The following ELAVL4 variants were observed in gnomAD, a reference collection of about 807,000 sequenced individuals.
ELAVL4 encodes ELAV like RNA binding protein 4.
A neutral mutation model predicts 35.6 loss-of-function variants in ELAVL4; 1 was observed. That is an observed-to-expected ratio of 0.03 (90% CI 0.01 to 0.13). The LOEUF is 0.13. Ranked by LOEUF, ELAVL4 falls within the 10% of genes least tolerant of loss-of-function variation. The pLI, the probability that ELAVL4 is intolerant of heterozygous loss-of-function variation, is 1.00. For missense variants in ELAVL4, 267 were observed against 464.9 expected (o/e 0.57, Z 3.91); for synonymous variants, 156 against 171.0 (o/e 0.91, Z 0.69).
intron 1 of ELAVL4, among the ~76,000 whole-genome samples, chr1:50,053,686 C>T (rs1663513530): frequency 6.6e-6 from 1 of 152,114 alleles, no homozygotes; most frequent in Admixed American, 6.5e-5. Flanking sequence ...GGACCTGGCC[C>T]AGTTGTAGCT....
chr1:50,160,390 A>G (rs958669160), intron 2 of ELAVL4, among the ~76,000 whole-genome samples: 1 of 152,228 alleles, frequency 6.6e-6, no homozygotes, highest in African/African-American at 2.4e-5. Flanking sequence ...TTAAATAGCA[A>G]TGAAAAGGGA....
At chr1:50,181,675 G>GTTTGT (rs55633909) in intron 3 of ELAVL4, among the ~76,000 whole-genome samples, 135,389 of 151,070 alleles carry the variant, frequency 0.9, 61,832 homozygotes, top group East Asian at 1. Flanking sequence ...GTATGTGTGT[G>GTTTGT]TTTGTTTTGT....
chr1:50,195,918 C>T, intron 5 of ELAVL4, 132 bp downstream of exon 5: 2 of 994,326 alleles, frequency 2.0e-6, no homozygotes, highest in South Asian at 1.7e-5. Context: ...GTGCAAAACT[C>T]CCCCCGAGCC....
chr1:50,168,973 C>CAT lies in ELAVL4; in HGVS notation c.251-8107_251-8106dup, dbSNP rs1223642574. Among the ~76,000 whole-genome samples, 464 of 147,818 alleles carry CAT rather than the reference C, an allele frequency of 3.1e-3. 3 individuals are homozygous for CAT. The highest frequency in any genetic ancestry group is 0.011 in the African/African-American group (437 of 40,086). On this transcript the variant is annotated intron_variant, in intron 2 of 6. Coordinates refer to ENST00000371824, the MANE Select transcript of ELAVL4 (RefSeq NM_001144774.3). Reference sequence around the variant, plus strand: ...ATATATATATATATATACACACACACATATATATATGTATATATATATATA... The same window carrying CAT: ...ATATATATATATATATACACACACACATATATATATATGTATATATATATATA...
At chr1:50,110,061 G>A in intron 1 of ELAVL4, 8 of 1,458,622 alleles carry the variant, frequency 5.5e-6, no homozygotes, top group Non-Finnish European at 7.6e-6. Context: ...ATGCTGGACT[G>A]TGCATCGTAA....
intron 1 of ELAVL4, among the ~76,000 whole-genome samples, chr1:50,063,735 A>T (rs1419391443): frequency 6.6e-6 from 1 of 152,092 alleles, no homozygotes; most frequent in African/African-American, 2.4e-5. Context: ...GCATTGTGAC[A>T]TGCGACCCTA....
chr1:50,144,069 G>T (rs1393448112), intron 1 of ELAVL4, among the ~76,000 whole-genome samples: 1 of 152,110 alleles, frequency 6.6e-6, no homozygotes, highest in East Asian at 1.9e-4. Context: ...TGTATTGCAT[G>T]ATCACTGCCC....
intron 3 of ELAVL4, among the ~76,000 whole-genome samples, chr1:50,188,997 A>G (rs1682254694): frequency 6.6e-6 from 1 of 152,148 alleles, no homozygotes; most frequent in Admixed American, 6.5e-5. Flanking sequence ...AGACATTCCC[A>G]ACACCCATCC....
intron 1 of ELAVL4, among the ~76,000 whole-genome samples, chr1:50,072,590 A>C (rs1664581419): frequency 6.6e-6 from 1 of 152,176 alleles, no homozygotes; most frequent in Admixed American, 6.5e-5. Flanking sequence ...AAGCTCATCA[A>C]GTGGGGACAC....
At chr1:50,186,827 G>T (rs1054261705) in intron 3 of ELAVL4, among the ~76,000 whole-genome samples, 2 of 66,576 alleles carry the variant, frequency 3.0e-5, no homozygotes, top group African/African-American at 7.6e-5. Context: ...TTTCCATGAA[G>T]TTTCACCTCT....
chr1:50,168,507 T>G (rs767929152), intron 2 of ELAVL4, among the ~76,000 whole-genome samples: 78 of 152,196 alleles, frequency 5.1e-4, no homozygotes, highest in Non-Finnish European at 9.7e-4. Context: ...TCAGTAGATT[T>G]GAAGCTCAGT....
At chr1:50,054,833 C>G (rs563787832) in intron 1 of ELAVL4, among the ~76,000 whole-genome samples, 54 of 152,164 alleles carry the variant, frequency 3.5e-4, no homozygotes, top group Non-Finnish European at 6.5e-4. Flanking sequence ...CCCTTGCACT[C>G]TTGCTTCTGG....
intron 1 of ELAVL4, among the ~76,000 whole-genome samples, chr1:50,058,595 T>C (rs1373391279): frequency 6.6e-6 from 1 of 151,232 alleles, no homozygotes; most frequent in Non-Finnish European, 1.5e-5. Context: ...TCCGCATTAA[T>C]GGTAAGAATT....
chr1:50,061,692 T>G (rs1015343138), intron 1 of ELAVL4, among the ~76,000 whole-genome samples: 1 of 152,204 alleles, frequency 6.6e-6, no homozygotes, highest in Admixed American at 6.5e-5. Flanking sequence ...ATGCTTTTGC[T>G]GGGCGGTCCT....
At position 50,109,068 on chromosome 1, in the gene ELAVL4, G is replaced by C; in HGVS notation, c.-122G>C. 1.1e-6 allele frequency: 1 copy of C among 913,318 alleles called. No individual in the cohort carries two copies. The highest frequency in any genetic ancestry group is 1.3e-6 in the Non-Finnish European group (1 of 763,462). 56.6% of individuals were successfully genotyped at this position (913,318 alleles called of 1,614,324 possible). A position where few individuals can be genotyped will look rare whatever the true frequency, so the allele number is the denominator to read the frequency against. ...GATTTGCTTTACAATCATCCACACT[G>C]TGTTTTGTGGATCTTTAATTATATA... On this transcript the variant is annotated 5_prime_UTR_variant, in exon 1 of 7. Coordinates refer to ENST00000371824, the MANE Select transcript of ELAVL4 (RefSeq NM_001144774.3).
At chr1:50,139,714 G>C (rs1023803174) in intron 1 of ELAVL4, among the ~76,000 whole-genome samples, 1 of 152,156 alleles carries the variant, frequency 6.6e-6, no homozygotes, top group Non-Finnish European at 1.5e-5. Context: ...GGAACAGAGG[G>C]GTGGCTTTTT....
At chr1:50,193,996 T>C in intron 4 of ELAVL4, 78 bp downstream of exon 4, 5 of 1,542,086 alleles carry the variant, frequency 3.2e-6, no homozygotes, top group African/African-American at 1.4e-5. Flanking sequence ...AGAAGGCTGA[T>C]GGCTGCTTAA....
intron 2 of ELAVL4, among the ~76,000 whole-genome samples, chr1:50,168,984 G>A (rs61784191): frequency 2.8e-5 from 4 of 144,258 alleles, no homozygotes; most frequent in Non-Finnish European, 6.1e-5. Context: ...ATATATATAT[G>A]TATATATATA....
intron 2 of ELAVL4, among the ~76,000 whole-genome samples, chr1:50,171,037 CA>C (rs1678907283): frequency 6.6e-6 from 1 of 151,984 alleles, no homozygotes. Flanking sequence ...AACAAGCAAA[CA>C]AACAAAAAAA....
Sources: gnomAD v4.1 joint callset for allele counts (sites outside exome capture counted in the v4.1 genomes callset) on GRCh38, gnomAD v4.1.1 for gene constraint, MANE v1.5 for transcripts, NCBI Gene and HGNC (gene_info 2026-07-23, HGNC 2026-07-21) for gene names.